The following CALD1 variants were observed in gnomAD, a reference collection of about 807,000 sequenced individuals.
CALD1 encodes the protein caldesmon.
In CALD1, 33 loss-of-function variants were observed where a neutral mutation model predicts 99.9. The ratio of observed to expected loss-of-function variants is 0.33; its 90% confidence interval spans 0.25 to 0.44. The LOEUF is 0.44. Ranked by LOEUF, CALD1 falls within the 20% of genes least tolerant of loss-of-function variation. CALD1 has a pLI of 1.00. For synonymous variants in CALD1, 310 were observed against 325.0 expected (o/e 0.95, Z 0.50); for missense variants, 861 against 962.1 (o/e 0.89, Z 1.39).
chr7:134,856,812 A>T (rs10251114), intron 2 of CALD1, among the ~76,000 whole-genome samples: 26,373 of 152,162 alleles, frequency 0.17, 3,302 homozygotes, highest in African/African-American at 0.35. Flanking sequence ...TCCCAAGGTT[A>T]CTAAGAGCTC....
intron 13 of CALD1, chr7:134,960,875 A>T (rs1442661028): frequency 3.1e-6 from 1 of 318,836 alleles, no homozygotes; most frequent in Non-Finnish European, 5.7e-6. Flanking sequence ...AATCAGCTAG[A>T]ATACTGAGGC....
At chr7:134,738,851 G>A in the CALD1 span, among the ~76,000 whole-genome samples, 9 of 152,246 alleles carry the variant, frequency 5.9e-5, no homozygotes, top group South Asian at 2.1e-4. Context: ...AGAGAATAGC[G>A]CAACAGTTCA....
At chr7:134,873,062 C>T (rs1801173501) in intron 3 of CALD1, among the ~76,000 whole-genome samples, 1 of 152,028 alleles carries the variant, frequency 6.6e-6, no homozygotes, top group South Asian at 2.1e-4. Context: ...TGGCTGGTGC[C>T]TGTAATCCCA....
chr7:134,797,112 C>T (rs956643671), intron 1 of CALD1, among the ~76,000 whole-genome samples: 3 of 152,052 alleles, frequency 2.0e-5, no homozygotes, highest in African/African-American at 7.2e-5. Flanking sequence ...GTAGCCTCAG[C>T]CTCCCAAGTA....
chr7:134,965,252 G>A lies in CALD1; in HGVS notation c.2296-54G>A. The stretch of plus-strand genomic sequence containing the variant: ...AGATGTGGCCATTTATTTAGAGCTG[G>A]CTAGAAAATATAAATGGCCACCTAT... On this transcript the variant is annotated intron_variant, in intron 13 of 14. Coordinates refer to ENST00000361675, the MANE Select transcript of CALD1 (RefSeq NM_033138.4). The A allele has an allele frequency of 3.5e-6, 3 of 854,666 alleles. No individual in the cohort carries two copies. The Admixed American group carries it at 5.1e-5, about 15-fold the overall frequency. The allele number at this position is 854,666 out of a possible 1,614,324, so 52.9% of individuals were successfully genotyped here.
intron 1 of CALD1, among the ~76,000 whole-genome samples, chr7:134,758,139 A>G (rs953568720): frequency 2.0e-5 from 3 of 152,138 alleles, no homozygotes; most frequent in Admixed American, 1.3e-4. Flanking sequence ...GGGTGATGCT[A>G]GCTGATTCAG....
chr7:134,947,440 C>T lies in CALD1; in HGVS notation c.1533-68C>T, dbSNP rs546739605. 1.1e-4 allele frequency: 166 copies of T among 1,470,526 alleles called. 1 individual carries two copies. In the African/African-American group the frequency reaches 2.1e-3, roughly 19 times the overall value. 91.1% of individuals were successfully genotyped at this position (1,470,526 alleles called of 1,614,324 possible). Reference sequence around the variant, plus strand: ...GGGGATGCAGAAGCCGCAGACCGACCTCCCCTTCCTCCAGGGAGACTACAG... The same window carrying T: ...GGGGATGCAGAAGCCGCAGACCGACTTCCCCTTCCTCCAGGGAGACTACAG... On this transcript the variant is annotated intron_variant, in intron 7 of 14. Coordinates refer to ENST00000361675, the MANE Select transcript of CALD1 (RefSeq NM_033138.4).
chr7:134,875,410 TG>T (rs373674606), intron 3 of CALD1, among the ~76,000 whole-genome samples: 7 of 152,276 alleles, frequency 4.6e-5, no homozygotes, highest in African/African-American at 1.4e-4. Flanking sequence ...CTGAGCCAGG[TG>T]GATCACCTGA....
chr7:134,787,408 G>C (rs1365335415), intron 1 of CALD1, among the ~76,000 whole-genome samples: 1 of 152,160 alleles, frequency 6.6e-6, no homozygotes, highest in East Asian at 1.9e-4. Flanking sequence ...AAGTATTTCT[G>C]TTCTTAGGAG....
intron 1 of CALD1, among the ~76,000 whole-genome samples, chr7:134,826,003 C>A (rs935814772): frequency 2.0e-4 from 30 of 152,210 alleles, no homozygotes; most frequent in African/African-American, 5.8e-4. Flanking sequence ...TTTCAAGTAT[C>A]ATTCCATCCT....
At chr7:134,825,521 G>A (rs894436229) in intron 1 of CALD1, among the ~76,000 whole-genome samples, 2 of 151,888 alleles carry the variant, frequency 1.3e-5, no homozygotes, top group African/African-American at 4.8e-5. Flanking sequence ...TCTATATAAG[G>A]ATAATTTTAT....
At chr7:134,943,415 T>C (rs1005965060) in intron 7 of CALD1, among the ~76,000 whole-genome samples, 1 of 152,192 alleles carries the variant, frequency 6.6e-6, no homozygotes, top group African/African-American at 2.4e-5. Flanking sequence ...CTTTTGCTCC[T>C]GTTTTGAGCA....
chr7:134,717,944 A>G, the CALD1 span, among the ~76,000 whole-genome samples: 1 of 152,362 alleles, frequency 6.6e-6, no homozygotes, highest in African/African-American at 2.4e-5. Flanking sequence ...AGCAATATAG[A>G]TGGTTTCTAG....
At chr7:134,883,861 A>T (rs371365955) in intron 3 of CALD1, among the ~76,000 whole-genome samples, 2 of 152,126 alleles carry the variant, frequency 1.3e-5, no homozygotes, top group African/African-American at 4.8e-5. Context: ...TAATCCCAGC[A>T]CTTTGGGAGG....
chr7:134,938,420 A>G (rs1336656243), intron 6 of CALD1, among the ~76,000 whole-genome samples: 1 of 152,166 alleles, frequency 6.6e-6, no homozygotes, highest in African/African-American at 2.4e-5. Context: ...CCAAATATCT[A>G]GAGTTTCAAA....
intron 3 of CALD1, among the ~76,000 whole-genome samples, chr7:134,913,378 T>G (rs563172145): frequency 6.6e-6 from 1 of 152,212 alleles, no homozygotes; most frequent in Non-Finnish European, 1.5e-5. Flanking sequence ...TCAGCCAAGA[T>G]GTTTCAAAAA....
At chr7:134,797,578 TGTGGGTGG>T (rs1443824732) in intron 1 of CALD1, among the ~76,000 whole-genome samples, 3 of 152,212 alleles carry the variant, frequency 2.0e-5, no homozygotes, top group African/African-American at 4.8e-5. Context: ...CGAGCAATCA[TGTGGGTGG>T]GTTAAATTGT....
chr7:134,968,389 C>G lies in CALD1; in HGVS notation c.*44C>G. ...CCAAGCTCAAGACGCAGGACGAGCT[C>G]AGTTGTAGAGGGCTAATTCGCTCTG... On this transcript the variant is annotated 3_prime_UTR_variant, in exon 15 of 15. Coordinates refer to ENST00000361675, the MANE Select transcript of CALD1 (RefSeq NM_033138.4). 2.5e-6 allele frequency: 4 copies of G among 1,591,050 alleles called. No homozygotes were observed. The highest frequency in any genetic ancestry group is 3.5e-6 in the Non-Finnish European group (4 of 1,159,078).
intron 4 of CALD1, among the ~76,000 whole-genome samples, chr7:134,932,120 C>T (rs1805565727): frequency 6.6e-6 from 1 of 152,162 alleles, no homozygotes; most frequent in Admixed American, 6.5e-5. Flanking sequence ...TTGGACACTT[C>T]TGTTTACATT....
Sources: allele counts gnomAD v4.1 joint callset (sites outside exome capture counted in the v4.1 genomes callset), GRCh38; gene constraint gnomAD v4.1.1; transcripts MANE v1.5; gene names NCBI Gene and HGNC (gene_info 2026-07-23, HGNC 2026-07-21).